Variants in BRF1 observed in about 807,000 individuals in gnomAD.
BRF1 encodes the protein BRF1 general transcription factor IIIB subunit.
Under a neutral mutation model 81.7 loss-of-function variants are expected in BRF1, and 59 were observed. The ratio of observed to expected loss-of-function variants is 0.72; its 90% CI spans 0.59 to 0.90. The LOEUF is 0.90. Among genes scored for constraint, BRF1 ranks in the 40% least tolerant of loss-of-function variants. BRF1 has a pLI of 0.00. For missense variants in BRF1, 1,050 were observed against 936.3 expected, an observed-to-expected ratio of 1.12 and a Z score of -1.58; for synonymous variants, 491 against 395.6, an observed-to-expected ratio of 1.24 and a Z score of -2.86.
chr14:105,289,932 C>T (rs1383067119), intron 1 of BRF1, among the ~76,000 whole-genome samples: 2 of 152,014 alleles, frequency 1.3e-5, no homozygotes, highest in Admixed American at 6.6e-5. Flanking sequence ...CACCACGCCC[C>T]GCCTGTTTTT....
chr14:105,245,641 C>T (rs1180943430), intron 5 of BRF1, among the ~76,000 whole-genome samples: 7 of 152,100 alleles, frequency 4.6e-5, no homozygotes, highest in Non-Finnish European at 2.9e-5. Context: ...AGATGACCTT[C>T]AACAAGGGTG....
chr14:105,296,200 C>T (rs1277192197), intron 1 of BRF1, among the ~76,000 whole-genome samples: 1 of 151,930 alleles, frequency 6.6e-6, no homozygotes, highest in Non-Finnish European at 1.5e-5. Flanking sequence ...ATCGCCTGGC[C>T]AACATGGCAA....
At chr14:105,249,241 C>T in intron 5 of BRF1, 2 of 1,580,290 alleles carry the variant, frequency 1.3e-6, no homozygotes, top group Non-Finnish European at 1.7e-6. Context: ...CGGTGCCCGC[C>T]CACAAGGTGG....
chr14:105,249,560 C>A, intron 5 of BRF1: 4 of 1,589,020 alleles, frequency 2.5e-6, no homozygotes, highest in Non-Finnish European at 3.4e-6. Flanking sequence ...CACACAGGAG[C>A]TGATGGACTC....
intron 16 of BRF1, 177 bp from the exon 17 acceptor site, chr14:105,211,470 T>G: frequency 1.7e-6 from 1 of 592,252 alleles, no homozygotes; most frequent in Non-Finnish European, 2.9e-6. Context: ...CTGGGGGCTG[T>G]GCCATGAGCT....
chr14:105,215,874 ACG>A (rs1891143130), intron 15 of BRF1, among the ~76,000 whole-genome samples: 1 of 145,926 alleles, frequency 6.9e-6, no homozygotes, highest in Non-Finnish European at 1.5e-5. Context: ...ATGCACACAC[ACG>A]CTGCAGGCAT....
Position 105,228,896 on chromosome 14 carries a change from T to C in BRF1, c.712A>G (p.Arg238Gly), listed in dbSNP as rs763937027. 8.7e-6 allele frequency: 14 copies of C among 1,613,606 alleles called. No homozygotes were observed. The highest frequency in any genetic ancestry group is 6.8e-6 in the Non-Finnish European group (8 of 1,180,016). Reference protein sequence around the residue: ...LCGAALLVAARMHDFRRTVKE... With the variant: ...LCGAALLVAAGMHDFRRTVKE... Reference sequence around the variant, plus strand: ...ACAGTCCTCCTGAAGTCATGCATTCTGGCTGCAACCAGGAGCGCTGGAAGG... The same window carrying C: ...ACAGTCCTCCTGAAGTCATGCATTCCGGCTGCAACCAGGAGCGCTGGAAGG... The change falls in exon 7 of 18, where the codon AGA becomes GGA. Residue 238 changes from arginine (R) to glycine (G), a missense_variant. Arg to Gly is a moderately radical substitution (Grantham distance 125, BLOSUM62 -2). This residue lies in a region of BRF1 where 1,043 missense variants were observed against 915.4 expected (regional missense o/e 1.14). Transcript: ENST00000547530.
At chr14:105,259,786 T>G (rs1206961147) in intron 3 of BRF1, among the ~76,000 whole-genome samples, 1 of 152,186 alleles carries the variant, frequency 6.6e-6, no homozygotes, top group African/African-American at 2.4e-5. Flanking sequence ...GGCGTGCCCC[T>G]GTAGTCCCAA....
At chr14:105,217,400 A>G in intron 15 of BRF1, 144 bp downstream of exon 15, 1 of 1,308,914 alleles carries the variant, frequency 7.6e-7, no homozygotes, top group Middle Eastern at 2.2e-4. Context: ...AAGGCCCACC[A>G]GTCCCCAGCA....
intron 8 of BRF1, 107 bp downstream of exon 8, chr14:105,226,525 CTA>C: frequency 1.3e-6 from 2 of 1,562,574 alleles, no homozygotes; most frequent in Non-Finnish European, 1.7e-6. Context: ...TGAAGAGCGG[CTA>C]TGAGGCTTTG....
chr14:105,308,579 T>C (rs1173844679), intron 1 of BRF1, among the ~76,000 whole-genome samples: 2 of 148,548 alleles, frequency 1.3e-5, no homozygotes, highest in Admixed American at 6.8e-5. Flanking sequence ...GCCTCCTGGG[T>C]TCAAGTGATT....
chr14:105,300,235 G>A (rs1268049006), intron 1 of BRF1, among the ~76,000 whole-genome samples: 1 of 152,248 alleles, frequency 6.6e-6, no homozygotes, highest in Admixed American at 6.5e-5. Context: ...GTGTGTCGAG[G>A]AAGTCCACGC....
chr14:105,249,907 G>A (rs752956082), intron 5 of BRF1: 11 of 1,611,168 alleles, frequency 6.8e-6, no homozygotes, highest in Non-Finnish European at 9.3e-6. Context: ...ACCGGCAGAC[G>A]CTGGAGATCA....
At chr14:105,280,666 A>G (rs1355613778) in intron 2 of BRF1, among the ~76,000 whole-genome samples, 1 of 149,778 alleles carries the variant, frequency 6.7e-6, no homozygotes, top group Non-Finnish European at 1.5e-5. Context: ...TGGAGGCTGC[A>G]TGATCCTGAG....
intron 5 of BRF1, chr14:105,248,479 G>A (rs2055284486): frequency 1.0e-6 from 1 of 984,770 alleles, no homozygotes; most frequent in Non-Finnish European, 1.2e-6. Flanking sequence ...CGAGGATGTC[G>A]GGCCTGGGGG....
At chr14:105,278,879 C>T (rs989806049) in intron 2 of BRF1, among the ~76,000 whole-genome samples, 1 of 152,074 alleles carries the variant, frequency 6.6e-6, no homozygotes, top group Non-Finnish European at 1.5e-5. Flanking sequence ...CCCGTCTCTA[C>T]TAAAAAGTAC....
chr14:105,250,082 C>T (rs774710405), intron 5 of BRF1: 1 of 1,613,008 alleles, frequency 6.2e-7, no homozygotes, highest in East Asian at 2.2e-5. Flanking sequence ...AACCATGACC[C>T]TAGAGGAGTT....
At chr14:105,290,092 A>G (rs1051374067) in intron 1 of BRF1, among the ~76,000 whole-genome samples, 2 of 152,348 alleles carry the variant, frequency 1.3e-5, no homozygotes, top group East Asian at 1.9e-4. Flanking sequence ...AATAACTCAT[A>G]TAACACTACA....
chr14:105,210,428 G>A lies in BRF1; in HGVS notation c.*123C>T, dbSNP rs1889929384. ...ACATGGGACGAGGGCTGTGGGACAG[G>A]TGCCACCTGTCACCAGGAGTCTCGG... On this transcript the variant is annotated 3_prime_UTR_variant, in exon 18 of 18. Coordinates refer to ENST00000547530, the MANE Select transcript of BRF1 (RefSeq NM_001519.4). The surrounding 1 kb of genome is among the most constrained non-coding windows in gnomAD (Gnocchi z 4.7). 2 of 1,068,052 alleles carry A rather than the reference G, an allele frequency of 1.9e-6. No homozygotes were observed. The highest frequency in any genetic ancestry group is 1.6e-5 in the African/African-American group (1 of 63,490). The allele number at this position is 1,068,052 out of a possible 1,614,324, so 66.2% of individuals were successfully genotyped here.
Sources: allele counts gnomAD v4.1 joint callset (sites outside exome capture counted in the v4.1 genomes callset), GRCh38; gene constraint gnomAD v4.1.1; regional missense constraint gnomAD v4.1.1; non-coding constraint Gnocchi (gnomAD v3.1); transcripts MANE v1.5; gene names NCBI Gene and HGNC (gene_info 2026-07-23, HGNC 2026-07-21).